Variants in TENM3 observed in about 807,000 individuals in gnomAD.
TENM3 encodes the protein teneurin transmembrane protein 3, also known as teneurin-3.
Under a neutral mutation model 255.1 loss-of-function variants are expected in TENM3, and 63 were observed. That is an observed-to-expected ratio of 0.25 (90% CI 0.20 to 0.30). The LOEUF is 0.30. Among genes scored for constraint, TENM3 ranks in the 10% least tolerant of loss-of-function variants. TENM3 has a pLI of 1.00. For synonymous variants in TENM3, 1,306 were observed against 1,322.3 expected (o/e 0.99, Z 0.27); for missense variants, 2,929 against 3,461.1 (o/e 0.85, Z 3.86).
the TENM3 span, among the ~76,000 whole-genome samples, chr4:181,783,162 T>C: frequency 6.6e-6 from 1 of 152,152 alleles, no homozygotes; most frequent in African/African-American, 2.4e-5. Flanking sequence ...CTGAATTCAA[T>C]TCCTGGATAT....
At chr4:182,797,495 A>C (rs563358531) in intron 27 of TENM3, among the ~76,000 whole-genome samples, 1 of 152,338 alleles carries the variant, frequency 6.6e-6, no homozygotes, top group Admixed American at 6.5e-5. Flanking sequence ...TTAAAAATAA[A>C]AATAAATGTC....
the TENM3 span, among the ~76,000 whole-genome samples, chr4:181,918,793 G>T: frequency 6.6e-6 from 1 of 151,938 alleles, no homozygotes; most frequent in African/African-American, 2.4e-5. Context: ...GTCCCTGAAG[G>T]TATATAAATT....
At chr4:181,962,495 G>C in the TENM3 span, among the ~76,000 whole-genome samples, 2 of 152,212 alleles carry the variant, frequency 1.3e-5, no homozygotes, top group African/African-American at 4.8e-5. Flanking sequence ...TGCCAGGAAA[G>C]TTTGTTTCCC....
intron 10 of TENM3, 83 bp from the exon 11 acceptor site, chr4:182,681,731 A>T: frequency 2.0e-6 from 2 of 1,012,284 alleles, no homozygotes; most frequent in Non-Finnish European, 2.9e-6. Context: ...GTTCATATAA[A>T]TTAGATTAGG....
the TENM3 span, among the ~76,000 whole-genome samples, chr4:181,767,077 C>A: frequency 3.3e-4 from 42 of 129,008 alleles, no homozygotes; most frequent in Non-Finnish European, 5.9e-4. Context: ...AAGGGGAAAT[C>A]CCGTCTCTAC....
chr4:181,658,571 G>A, the TENM3 span, among the ~76,000 whole-genome samples: 1 of 152,110 alleles, frequency 6.6e-6, no homozygotes, highest in Non-Finnish European at 1.5e-5. Flanking sequence ...AATTTTATTT[G>A]CTGCATACAA....
intron 3 of TENM3, among the ~76,000 whole-genome samples, chr4:182,364,568 C>A (rs938551892): frequency 6.6e-6 from 1 of 152,142 alleles, no homozygotes; most frequent in Non-Finnish European, 1.5e-5. Flanking sequence ...GGGCGCCCAC[C>A]ACCACGCCCG....
the TENM3 span, among the ~76,000 whole-genome samples, chr4:181,584,403 A>G: frequency 1.3e-5 from 2 of 152,166 alleles, no homozygotes. Context: ...AGTGGCCTCC[A>G]CCAAGCTTCT....
the TENM3 span, among the ~76,000 whole-genome samples, chr4:181,583,144 T>TTTC: frequency 6.6e-6 from 1 of 151,854 alleles, no homozygotes; most frequent in Non-Finnish European, 1.5e-5. Flanking sequence ...TTTTTTTTTT[T>TTTC]ACTTTGGGCA....
chr4:181,920,110 C>T, the TENM3 span, among the ~76,000 whole-genome samples: 1 of 152,014 alleles, frequency 6.6e-6, no homozygotes, highest in Non-Finnish European at 1.5e-5. Context: ...ATATGTGCCA[C>T]ATTTTCTTAA....
At chr4:182,303,020 C>T (rs1366628030) in intron 1 of TENM3, among the ~76,000 whole-genome samples, 3 of 151,674 alleles carry the variant, frequency 2.0e-5, no homozygotes, top group Non-Finnish European at 4.4e-5. Flanking sequence ...CTCTTATATG[C>T]TTTCTGAGTT....
chr4:181,965,082 AT>A, the TENM3 span, among the ~76,000 whole-genome samples: 1 of 152,210 alleles, frequency 6.6e-6, no homozygotes, highest in East Asian at 1.9e-4. Context: ...TGTGTAAAAT[AT>A]TTCCTGATAC....
chr4:181,470,655 G>A, the TENM3 span, among the ~76,000 whole-genome samples: 11 of 152,020 alleles, frequency 7.2e-5, no homozygotes, highest in African/African-American at 1.2e-4. Flanking sequence ...GGATTTAAAC[G>A]TCTTCAAACT....
the TENM3 span, among the ~76,000 whole-genome samples, chr4:181,932,367 A>G: frequency 6.6e-6 from 1 of 152,246 alleles, no homozygotes; most frequent in Non-Finnish European, 1.5e-5. Context: ...TATGAACAAC[A>G]CTTCTCAAAA....
intron 3 of TENM3, among the ~76,000 whole-genome samples, chr4:182,538,506 T>G (rs1740556246): frequency 6.6e-6 from 1 of 151,998 alleles, no homozygotes; most frequent in Admixed American, 6.6e-5. Flanking sequence ...GTTTGAGGAA[T>G]TGGAAGTAGA....
At chr4:182,242,020 C>CT (rs201648379), upstream of TENM3, among the ~76,000 whole-genome samples, 3,312 of 133,550 alleles carry the variant, frequency 0.025, 222 homozygotes, top group Non-Finnish European at 0.033. Flanking sequence ...TTTTTCCTCT[C>CT]TCTTTTTTTT....
chr4:182,522,342 G>C (rs1469456067), intron 3 of TENM3, among the ~76,000 whole-genome samples: 1 of 151,868 alleles, frequency 6.6e-6, no homozygotes, highest in Admixed American at 6.6e-5. Context: ...TTTTTCTCCC[G>C]CTTTCACTTT....
rs78373683 is a variant in TENM3 at position 182,706,960 on chromosome 4, A to G, written c.2222-7127A>G. The stretch of plus-strand genomic sequence containing the variant: ...GGTGACAGAGTGAGACCCTGTATCC[A>G]AAAAAAAAAAAACAAAAAGACTCTG... On this transcript the variant is annotated intron_variant, in intron 12 of 27. Coordinates refer to ENST00000511685, the MANE Select transcript of TENM3 (RefSeq NM_001080477.4). Among the ~76,000 whole-genome samples, 677 of 111,148 alleles carry G rather than the reference A, an allele frequency of 6.1e-3. 8 individuals are homozygous for G. Among genetic ancestry groups the G allele is most frequent in the African/African-American group, 0.019 (647 of 34,628 alleles). 72.9% of individuals were successfully genotyped at this position (111,148 alleles called of 152,430 possible).
chr4:182,634,101 G>A (rs1751638050), intron 5 of TENM3, among the ~76,000 whole-genome samples: 1 of 152,176 alleles, frequency 6.6e-6, no homozygotes, highest in Non-Finnish European at 1.5e-5. Context: ...ACAGGTCTAG[G>A]AAATGCTGTC....
Sources: allele counts gnomAD v4.1 joint callset (sites outside exome capture counted in the v4.1 genomes callset), GRCh38; gene constraint gnomAD v4.1.1; transcripts MANE v1.5; gene names NCBI Gene and HGNC (gene_info 2026-07-23, HGNC 2026-07-21).